BEND3: variants seen among roughly 807,000 people sequenced by gnomAD.
The protein encoded by BEND3 is BEN domain-containing protein 3.
In BEND3, 13 loss-of-function variants were observed where a neutral mutation model predicts 60.1. The ratio of observed to expected loss-of-function variants is 0.22; its 90% CI spans 0.14 to 0.34. BEND3 has a LOEUF of 0.34. BEND3 is among the 10% of genes least tolerant of loss of function. BEND3 has a pLI of 1.00. For synonymous variants in BEND3, 497 were observed against 491.5 expected (o/e 1.01, Z -0.15); for missense variants, 896 against 1,138.1 (o/e 0.79, Z 3.06).
In BEND3 at chr6:107,069,208, G is replaced by A. The variant is rs1204531950; in HGVS notation, c.1983C>T (p.His661=). The part of the protein sequence containing the change: ...RRSYQQQRKV[H]VPGPECRDLT... ...AGTCTCTGCACTCAGGGCCCGGCAC[G>A]TGGACCTTGCGCTGCTGCTGGTAGG... is the stretch of plus-strand genomic sequence containing the variant. Residue 661 remains histidine (H), a synonymous_variant, in exon 4 of 4, where the codon CAC becomes CAT. Transcript: ENST00000369042. 1.6e-5 allele frequency: 26 copies of A among 1,612,418 alleles called. No individual in the cohort carries two copies. The African/African-American group carries it at 1.7e-4, about 11-fold the overall frequency.
rs74298430 is a variant in BEND3, at chr6:107,092,629, G to A, written c.240+5922C>T. Among the ~76,000 whole-genome samples the A allele has an allele frequency of 3.8e-4, 56 of 149,144 alleles. 1 individual carries two copies. The East Asian group carries it at 0.01, about 28-fold the overall frequency. ...TATTGTACTGAAGGTCTTAGGTAAT[G>A]CAATAAGAAAAGAAAATGAAATAAA... is the stretch of plus-strand genomic sequence containing the variant. On this transcript the variant is annotated intron_variant, in intron 3 of 3. Transcript: ENST00000369042.
Position 107,070,051 on chromosome 6 carries a change from A to G in BEND3, c.1140T>C (p.Leu380=), listed in dbSNP as rs782294405. Residue 380 remains leucine (L), a synonymous_variant, in exon 4 of 4, where the codon CTT becomes CTC. Transcript: ENST00000369042. The surrounding 1 kb of genome is among the most constrained non-coding windows in gnomAD (Gnocchi z 6.9). ...DNKDQEEALS[L]DRSSTIASDH... is the part of the protein sequence containing the mutation. ...CTGAGGCGATGGTGCTGCTCCGGTC[A>G]AGAGACAGGGCCTCCTCCTGGTCTT... 2.5e-6 allele frequency: 4 copies of G among 1,613,588 alleles called. No homozygotes were observed. The Admixed American group carries it at 6.7e-5, about 27-fold the overall frequency.
chr6:107,079,310 C>T (rs538520683), intron 3 of BEND3, among the ~76,000 whole-genome samples: 1 of 152,296 alleles, frequency 6.6e-6, no homozygotes, highest in South Asian at 2.1e-4. Context: ...CTCAATAAAA[C>T]CTTGCACTCA....
intron 3 of BEND3, among the ~76,000 whole-genome samples, chr6:107,091,485 G>C (rs2115019499): frequency 6.6e-6 from 1 of 152,208 alleles, no homozygotes; most frequent in Non-Finnish European, 1.5e-5. Context: ...CCCACTACAG[G>C]CCCCATGGAC....
In BEND3 at chr6:107,084,496, T is replaced by G. The variant is rs187117696; in HGVS notation, c.241-13546A>C. On this transcript the variant is annotated intron_variant, in intron 3 of 3. Coordinates refer to ENST00000369042, the MANE Select transcript of BEND3 (RefSeq NM_001367314.1). ...TGTAAAAACGCACCAATCAGCACTC[T>G]GTAAAAACGCACCAATCAGCACTCT... Among the ~76,000 whole-genome samples the G allele has an allele frequency of 1.1e-3, 167 of 152,076 alleles. 3 individuals carry two copies. In the East Asian group the frequency reaches 0.029, roughly 26 times the overall value.
At chr6:107,092,557 G>C (rs1466970317) in intron 3 of BEND3, among the ~76,000 whole-genome samples, 1 of 152,180 alleles carries the variant, frequency 6.6e-6, no homozygotes, top group Non-Finnish European at 1.5e-5. Flanking sequence ...TTCCCATGAA[G>C]ATCAGGCACA....
intron 3 of BEND3, among the ~76,000 whole-genome samples, chr6:107,089,006 C>T (rs1045515411): frequency 2.6e-5 from 4 of 151,938 alleles, no homozygotes; most frequent in Non-Finnish European, 5.9e-5. Context: ...CTTAGCTGGG[C>T]GTGATGGTGG....
chr6:107,076,412 A>G (rs1308204000), intron 3 of BEND3, among the ~76,000 whole-genome samples: 2 of 152,140 alleles, frequency 1.3e-5, no homozygotes, highest in Non-Finnish European at 2.9e-5. Context: ...TCATTCAGCC[A>G]CCAGCACCCG....
chr6:107,079,148 C>T (rs371965680), intron 3 of BEND3, among the ~76,000 whole-genome samples: 66 of 152,234 alleles, frequency 4.3e-4, no homozygotes, highest in African/African-American at 1.5e-3. Context: ...GAGAGGATGT[C>T]GGGAGCACAG....
At chr6:107,099,408 G>A (rs1775659400) in intron 1 of BEND3, 112 bp from the exon 2 acceptor site, 4 of 875,958 alleles carry the variant, frequency 4.6e-6, no homozygotes, top group East Asian at 2.4e-5. Context: ...AGGTAACAGA[G>A]CAGCACAGCA....
chr6:107,071,030 C>T (rs1582639903), intron 3 of BEND3, 80 bp from the exon 4 acceptor site: 2 of 1,371,348 alleles, frequency 1.5e-6, no homozygotes, highest in Non-Finnish European at 2.0e-6. Flanking sequence ...GTGTAGCACA[C>T]AGAGGCCGAG....
In BEND3 at chr6:107,068,599, C is replaced by A. The variant is rs923331336; in HGVS notation, c.*105G>T. ...AGCCACTCCCCACGGACATAAGGTGCCTGTCTGTGGATGCCATAGGCGTGC... is the reference window on the plus strand; with the variant it reads ...AGCCACTCCCCACGGACATAAGGTGACTGTCTGTGGATGCCATAGGCGTGC... On this transcript the variant is annotated 3_prime_UTR_variant, in exon 4 of 4. Coordinates refer to ENST00000369042, the MANE Select transcript of BEND3 (RefSeq NM_001367314.1). The surrounding 1 kb of genome is among the most constrained non-coding windows in gnomAD (Gnocchi z 5.8). The A allele has an allele frequency of 6.3e-6, 8 of 1,265,176 alleles. No individual in the cohort carries two copies. In the African/African-American group the frequency reaches 1.2e-4, roughly 19 times the overall value. 78.4% of individuals were successfully genotyped at this position (1,265,176 alleles called of 1,614,324 possible).
At chr6:107,095,609 T>TA (rs2115023762) in intron 3 of BEND3, among the ~76,000 whole-genome samples, 1 of 152,320 alleles carries the variant, frequency 6.6e-6, no homozygotes, top group East Asian at 1.9e-4. Flanking sequence ...ATAGCAGCAT[T>TA]ATTCATAATT....
At chr6:107,093,662 T>C (rs185625777) in intron 3 of BEND3, among the ~76,000 whole-genome samples, 3 of 152,276 alleles carry the variant, frequency 2.0e-5, no homozygotes, top group Admixed American at 1.3e-4. Context: ...TTTCAACATA[T>C]TTTACTGGAC....
rs371113994 is a variant in BEND3 at position 107,081,691 on chromosome 6, T to C, written c.241-10741A>G. 6.6e-5 allele frequency among the ~76,000 whole-genome samples: 10 copies of C among 151,708 alleles called. No individual in the cohort carries two copies. The East Asian group carries it at 1.7e-3, about 26-fold the overall frequency. On this transcript the variant is annotated intron_variant, in intron 3 of 3. Transcript: ENST00000369042. ...ATGCATTTTTGGTTTTGATCCTTTT[T>C]CCCTAAACATGTCAGAGTCCCTGGG... is the stretch of plus-strand genomic sequence containing the variant.
At chr6:107,112,512 A>G (rs868961394) in intron 1 of BEND3, among the ~76,000 whole-genome samples, 1 of 152,082 alleles carries the variant, frequency 6.6e-6, no homozygotes, top group Non-Finnish European at 1.5e-5. Context: ...AAACTTTCCC[A>G]TTATATTAGT....
At chr6:107,098,896 GC>G in intron 2 of BEND3, 143 bp from the exon 3 acceptor site, 4 of 672,960 alleles carry the variant, frequency 5.9e-6, no homozygotes, top group Non-Finnish European at 1.0e-5. Context: ...ACAAACCTGA[GC>G]TTTCCAACGA....
chr6:107,096,485 A>G (rs571553331), intron 3 of BEND3, among the ~76,000 whole-genome samples: 6 of 152,074 alleles, frequency 3.9e-5, no homozygotes, highest in African/African-American at 1.2e-4. Flanking sequence ...GGTGGTGCCC[A>G]CCTGTAATCC....
rs144765992 is a variant in BEND3, at chr6:107,105,092, G to C, written c.-11-5796C>G. Among the ~76,000 whole-genome samples the C allele has an allele frequency of 2.4e-3, 362 of 152,224 alleles. 9 individuals are homozygous for C. The South Asian group carries it at 0.046, about 19-fold the overall frequency. On this transcript the variant is annotated intron_variant, in intron 1 of 3. Transcript: ENST00000369042. ...TATTTGGTTAAAAAGTCCACTGTTG[G>C]CTGGGCGCAGTGGCTCACACCCGTA...
Sources: allele counts gnomAD v4.1 joint callset (sites outside exome capture counted in the v4.1 genomes callset), GRCh38; gene constraint gnomAD v4.1.1; non-coding constraint Gnocchi (gnomAD v3.1); transcripts MANE v1.5; gene names NCBI Gene and HGNC (gene_info 2026-07-23, HGNC 2026-07-21).